Variants in DNAAF2 observed in about 807,000 individuals in gnomAD.
DNAAF2 encodes the protein protein kintoun.
DNAAF2 carries 58 observed loss-of-function variants against 48.8 expected under a neutral mutation model. The observed-to-expected ratio is 1.19, with a 90% CI of 0.96 to 1.48. DNAAF2 has a LOEUF of 1.48. DNAAF2 is among the 40% of genes most tolerant of loss of function. DNAAF2 has a pLI of 0.00. For synonymous variants in DNAAF2, 567 were observed against 481.2 expected, an observed-to-expected ratio of 1.18 and a Z score of -2.33; for missense variants, 1,241 against 1,116.1, an observed-to-expected ratio of 1.11 and a Z score of -1.59.
intron 2 of DNAAF2, among the ~76,000 whole-genome samples, chr14:49,627,256 C>G (rs987595556): frequency 1.5e-4 from 23 of 152,162 alleles, no homozygotes; most frequent in African/African-American, 5.5e-4. Flanking sequence ...TTGAATTCCT[C>G]TAATTTTTCA....
Position 49,634,589 on chromosome 14 carries a change from G to A in DNAAF2, c.561C>T (p.Thr187=), listed in dbSNP as rs529083217. The part of the protein sequence containing the change: ...GVKLDRRNAK[T]LKAKYKGTPE... ...GGGTCCCCTTATACTTGGCCTTCAG[G>A]GTCTTGGCATTCCTGCGGTCCAGCT... Residue 187 remains threonine, a synonymous_variant, in exon 1 of 3, where the codon ACC becomes ACT. Coordinates refer to ENST00000298292, the MANE Select transcript of DNAAF2 (RefSeq NM_018139.3). 8.9e-4 allele frequency: 1,423 copies of A among 1,606,150 alleles called. 24 individuals are homozygous for A. The South Asian group carries it at 0.015, about 17-fold the overall frequency.
At position 49,633,982 on chromosome 14, in the gene DNAAF2, G is replaced by T. The variant is rs1225255300; in HGVS notation, c.1168C>A (p.Pro390Thr). The T allele has an allele frequency of 3.3e-6, 5 of 1,525,102 alleles. No individual in the cohort carries two copies. Among genetic ancestry groups the T allele is most frequent in the Non-Finnish European group, 4.4e-6 (5 of 1,142,722 alleles). The allele number at this position is 1,525,102 out of a possible 1,614,324, so 94.5% of individuals were successfully genotyped here. A position where few individuals can be genotyped will look rare whatever the true frequency, so the allele number is the denominator to read the frequency against. ...CCGTCCTCCGCGCGACTCCTCGCGG[G>T]TCCCGCCTCCCCCTCGCGAGCGGAA... ...CASAREGEAGPARSRAEDGGH... is the reference protein window; with the variant it reads ...CASAREGEAGTARSRAEDGGH... The change falls in exon 1 of 3, where the codon CCC becomes ACC. Residue 390 changes from proline (P) to threonine (T), a missense_variant. Pro to Thr is a conservative substitution (Grantham distance 38). Coordinates refer to ENST00000298292, the MANE Select transcript of DNAAF2 (RefSeq NM_018139.3).
intron 2 of DNAAF2, among the ~76,000 whole-genome samples, chr14:49,627,769 C>T (rs960954412): frequency 2.0e-5 from 3 of 151,526 alleles, no homozygotes; most frequent in East Asian, 1.9e-4. Flanking sequence ...GCAGGAGAAT[C>T]GCTTGAACCC....
chr14:49,635,189 A>T lies in DNAAF2; in HGVS notation c.-40T>A. ...CCTCGCCCTCGGGCCAAAGGCGATCAGTCTGACACTGGGTTGGGGGATCCG... is the reference window on the plus strand; with the variant it reads ...CCTCGCCCTCGGGCCAAAGGCGATCTGTCTGACACTGGGTTGGGGGATCCG... On this transcript the variant is annotated 5_prime_UTR_variant, in exon 1 of 3. Coordinates refer to ENST00000298292, the MANE Select transcript of DNAAF2 (RefSeq NM_018139.3). 1.3e-6 allele frequency: 2 copies of T among 1,541,762 alleles called. No individual in the cohort carries two copies. The highest frequency in any genetic ancestry group is 1.8e-6 in the Non-Finnish European group (2 of 1,140,244).
At position 49,633,962 on chromosome 14, in the gene DNAAF2, C is replaced by A; in HGVS notation, c.1188G>T (p.Glu396Asp). 3 of 1,527,590 alleles carry A rather than the reference C, an allele frequency of 2.0e-6. No homozygotes were observed. Among genetic ancestry groups the A allele is most frequent in the South Asian group, 1.2e-5 (1 of 83,108 alleles). 94.6% of individuals were successfully genotyped at this position (1,527,590 alleles called of 1,614,324 possible). A position where few individuals can be genotyped will look rare whatever the true frequency, so the allele number is the denominator to read the frequency against. Residue 396 changes from glutamate (E) to aspartate (D), a missense_variant, in exon 1 of 3, where the codon GAG becomes GAT. Coordinates refer to ENST00000298292, the MANE Select transcript of DNAAF2 (RefSeq NM_018139.3). ...CCACGCAGGTATCGTGGCCTCCGTC[C>A]TCCGCGCGACTCCTCGCGGGTCCCG... Reference protein sequence around the residue: ...GEAGPARSRAEDGGHDTCVAG... With the variant: ...GEAGPARSRADDGGHDTCVAG...
intron 2 of DNAAF2, among the ~76,000 whole-genome samples, chr14:49,627,627 G>A (rs925152601): frequency 5.3e-5 from 8 of 152,066 alleles, no homozygotes; most frequent in East Asian, 1.9e-4. Context: ...AGGCCGAGGC[G>A]GGTGGATCAT....
At chr14:49,631,302 T>C (rs1883156818) in intron 1 of DNAAF2, among the ~76,000 whole-genome samples, 1 of 152,160 alleles carries the variant, frequency 6.6e-6, no homozygotes, top group African/African-American at 2.4e-5. Context: ...TCCGAAGGAA[T>C]ATATAGTGGA....
rs752090722 is a variant in DNAAF2, at chr14:49,635,167, C to A, written c.-18G>T. On this transcript the variant is annotated 5_prime_UTR_variant, in exon 1 of 3. Coordinates refer to ENST00000298292, the MANE Select transcript of DNAAF2 (RefSeq NM_018139.3). The stretch of plus-strand genomic sequence containing the variant: ...TTGGCCATACTGTCCTGTGGCTCCT[C>A]GCCCTCGGGCCAAAGGCGATCAGTC... 1 of 1,551,458 alleles carries A rather than the reference C, an allele frequency of 6.4e-7. No individual in the cohort carries two copies. Among genetic ancestry groups the A allele is most frequent in the South Asian group, 1.2e-5 (1 of 84,098 alleles).
chr14:49,631,542 G>A (rs928406446), intron 1 of DNAAF2, among the ~76,000 whole-genome samples: 3 of 152,202 alleles, frequency 2.0e-5, no homozygotes, highest in Admixed American at 1.3e-4. Context: ...GGAGAATGGC[G>A]TGAACCCGGG....
In DNAAF2 at chr14:49,633,918, C is replaced by G; in HGVS notation, c.1232G>C (p.Gly411Ala). The G allele has an allele frequency of 1.3e-6, 2 of 1,532,414 alleles. No individual in the cohort carries two copies. Among genetic ancestry groups the G allele is most frequent in the Non-Finnish European group, 1.7e-6 (2 of 1,145,470 alleles). The allele number at this position is 1,532,414 out of a possible 1,614,324, so 94.9% of individuals were successfully genotyped here. A position where few individuals can be genotyped will look rare whatever the true frequency, so the allele number is the denominator to read the frequency against. ...DTCVAGAAGSGVTTLGDPEVA... is the reference protein window; with the variant it reads ...DTCVAGAAGSAVTTLGDPEVA... ...CTCCGGGTCGCCCAGGGTGGTGACC[C>G]CGGAGCCCGCAGCCCCAGCCACGCA... The change falls in exon 1 of 3, where the codon GGG becomes GCG. Residue 411 changes from glycine (G) to alanine (A), a missense_variant. Gly to Ala is a moderately conservative substitution (Grantham distance 60, BLOSUM62 0). Transcript: ENST00000298292.
Position 49,634,368 on chromosome 14 carries a change from TGG to T in DNAAF2, c.780_781del (p.His261ProfsTer21). 6.2e-7 allele frequency: 1 copy of T among 1,606,512 alleles called. No homozygotes were observed. The highest frequency in any genetic ancestry group is 8.5e-7 in the Non-Finnish European group (1 of 1,177,298). The stretch of plus-strand genomic sequence containing the variant: ...GCGGTAATCCTGGAGGTCCACGTGG[TGG>T]CGCTGCACCACGCTGTAGCGAGGCT... On this transcript the variant is annotated frameshift_variant, in exon 1 of 3. Transcript: ENST00000298292. LOFTEE classifies it high-confidence loss of function.
chr14:49,632,946 G>C (rs1476275056), intron 1 of DNAAF2, among the ~76,000 whole-genome samples: 1 of 151,188 alleles, frequency 6.6e-6, no homozygotes, highest in Non-Finnish European at 1.5e-5. Flanking sequence ...TTTTGAGACG[G>C]AGTCTCCCTC....
Position 49,633,527 on chromosome 14 carries a change from A to G in DNAAF2, c.1623T>C (p.Pro541=). Residue 541 remains proline, a synonymous_variant, in exon 1 of 3, where the codon CCT becomes CCC. Transcript: ENST00000298292. The part of the protein sequence containing the change: ...KETLTLLIQV[P]RIQPQSLQGD... ...CTTGAAGACTTTGCGGCTGGATCCG[A>G]GGCACCTGAATGAGCAGAGTCAAGG... 1 of 1,614,026 alleles carries G rather than the reference A, an allele frequency of 6.2e-7. No individual in the cohort carries two copies. The highest frequency in any genetic ancestry group is 8.5e-7 in the Non-Finnish European group (1 of 1,179,882).
At chr14:49,629,693 T>C (rs573795954) in intron 1 of DNAAF2, 1 of 151,992 alleles carries the variant, frequency 6.6e-6, no homozygotes, top group South Asian at 2.1e-4. Flanking sequence ...TTTTTGTAGA[T>C]ACAGGTCTCA....
Position 49,633,786 on chromosome 14 carries a change from G to C in DNAAF2, c.1364C>G (p.Ser455Cys). The C allele has an allele frequency of 6.3e-7, 1 of 1,593,278 alleles. No individual in the cohort carries two copies. The highest frequency in any genetic ancestry group is 8.5e-7 in the Non-Finnish European group (1 of 1,175,924). The part of the protein sequence containing the change: ...GSPPGSVEEP[S>C]PGGENSPGGG... ...ACCAGGTGAGTTTTCTCCTCCAGGAGATGGCTCCTCCACGCTGCCCGGCGG... is the reference window on the plus strand; with the variant it reads ...ACCAGGTGAGTTTTCTCCTCCAGGACATGGCTCCTCCACGCTGCCCGGCGG... Residue 455 changes from serine (S) to cysteine (C), a missense_variant, in exon 1 of 3, where the codon TCT becomes TGT. Coordinates refer to ENST00000298292, the MANE Select transcript of DNAAF2 (RefSeq NM_018139.3).
Position 49,634,434 on chromosome 14 carries a change from G to A in DNAAF2, c.716C>T (p.Pro239Leu), listed in dbSNP as rs1171556932. 6.4e-7 allele frequency: 1 copy of A among 1,561,884 alleles called. No individual in the cohort carries two copies. Among genetic ancestry groups the A allele is most frequent in the African/African-American group, 1.4e-5 (1 of 73,920 alleles). ...CTGCAAGGCCGCTTCCGGAGGGGAGGGCGCCCGGGGCCCGGGGGCTGCCGG... is the reference window on the plus strand; with the variant it reads ...CTGCAAGGCCGCTTCCGGAGGGGAGAGCGCCCGGGGCCCGGGGGCTGCCGG... ...QYPAAPGPRAPSPPEAALQPA... is the reference protein window; with the variant it reads ...QYPAAPGPRALSPPEAALQPA... The change falls in exon 1 of 3, where the codon CCC becomes CTC. Residue 239 changes from proline (P) to leucine (L), a missense_variant. By Grantham distance (98) the Pro-to-Leu change is moderately conservative. Coordinates refer to ENST00000298292, the MANE Select transcript of DNAAF2 (RefSeq NM_018139.3).
intron 1 of DNAAF2, among the ~76,000 whole-genome samples, chr14:49,632,865 A>G (rs6572595): frequency 0.19 from 28,374 of 151,984 alleles, 2,958 homozygotes; most frequent in Admixed American, 0.29. Context: ...AAAACCACCA[A>G]TTGTCCATTT....
intron 1 of DNAAF2, among the ~76,000 whole-genome samples, chr14:49,630,706 C>CACA: frequency 1.2e-5 from 1 of 84,976 alleles, no homozygotes; most frequent in East Asian, 2.0e-4. Flanking sequence ...CACACATAAA[C>CACA]TCTCTACACA....
chr14:49,634,590 G>C lies in DNAAF2; in HGVS notation c.560C>G (p.Thr187Ser). 6.2e-7 allele frequency: 1 copy of C among 1,606,178 alleles called. No individual in the cohort carries two copies. Among genetic ancestry groups the C allele is most frequent in the Non-Finnish European group, 8.5e-7 (1 of 1,179,724 alleles). The part of the protein sequence containing the change: ...GVKLDRRNAK[T>S]LKAKYKGTPE... ...GGTCCCCTTATACTTGGCCTTCAGG[G>C]TCTTGGCATTCCTGCGGTCCAGCTT... The change falls in exon 1 of 3, where the codon ACC (threonine) becomes AGC (serine). Residue 187 changes from threonine (T) to serine (S), a missense_variant. By Grantham distance (58) the Thr-to-Ser change is moderately conservative (BLOSUM62 1). Transcript: ENST00000298292.
Sources: gnomAD v4.1 joint callset for allele counts (sites outside exome capture counted in the v4.1 genomes callset) on GRCh38, gnomAD v4.1.1 for gene constraint, MANE v1.5 for transcripts, NCBI Gene and HGNC (gene_info 2026-07-23, HGNC 2026-07-21) for gene names.